Variants in NTNG1 observed in about 807,000 individuals in gnomAD.
The protein encoded by NTNG1 is netrin-G1.
In NTNG1, 16 loss-of-function variants were observed where a neutral mutation model predicts 54.0. The ratio of observed to expected loss-of-function variants is 0.30; its 90% CI spans 0.20 to 0.45. NTNG1 has a LOEUF of 0.45. NTNG1 is among the 20% of genes least tolerant of loss of function. The pLI is 1.00. For missense variants in NTNG1, 530 were observed against 678.7 expected (o/e 0.78, Z 2.43); for synonymous variants, 255 against 263.1 (o/e 0.97, Z 0.30).
chr1:107,296,058 A>G (rs1665926819), intron 2 of NTNG1, among the ~76,000 whole-genome samples: 1 of 152,078 alleles, frequency 6.6e-6, no homozygotes, highest in Non-Finnish European at 1.5e-5. Context: ...TAATGATGGT[A>G]TTACTCAGGT....
intron 3 of NTNG1, among the ~76,000 whole-genome samples, chr1:107,389,157 C>G (rs1451377586): frequency 1.3e-5 from 2 of 152,238 alleles, no homozygotes; most frequent in African/African-American, 4.8e-5. Context: ...TTGCTAGGGT[C>G]GTCCTCAGAG....
intron 3 of NTNG1, among the ~76,000 whole-genome samples, chr1:107,336,436 G>C (rs1351464656): frequency 1.3e-5 from 2 of 151,676 alleles, no homozygotes; most frequent in Non-Finnish European, 1.5e-5. Context: ...AAAAAAGGAA[G>C]TTGGACCCTT....
At chr1:107,437,056 G>A (rs1040738726) in intron 7 of NTNG1, among the ~76,000 whole-genome samples, 2 of 151,970 alleles carry the variant, frequency 1.3e-5, no homozygotes, top group South Asian at 2.1e-4. Flanking sequence ...CCATATACCC[G>A]TCCAGACCAT....
intron 3 of NTNG1, among the ~76,000 whole-genome samples, chr1:107,367,646 C>T (rs182561344): frequency 2.3e-4 from 35 of 152,202 alleles, no homozygotes; most frequent in Non-Finnish European, 4.6e-4. Context: ...ATGGCAAATA[C>T]GTGAGCCATC....
chr1:107,297,249 G>A (rs375319970), intron 2 of NTNG1, among the ~76,000 whole-genome samples: 5,552 of 18,446 alleles, frequency 0.3, 267 homozygotes, highest in African/African-American at 0.35. Flanking sequence ...ATATATATGC[G>A]CACACACACA....
intron 3 of NTNG1, among the ~76,000 whole-genome samples, chr1:107,371,079 A>T (rs1206039677): frequency 6.6e-6 from 1 of 152,112 alleles, no homozygotes; most frequent in Non-Finnish European, 1.5e-5. Flanking sequence ...TCTGTCTTTG[A>T]CCATTAAGTG....
intron 2 of NTNG1, among the ~76,000 whole-genome samples, chr1:107,278,007 T>G (rs1469079656): frequency 6.6e-6 from 1 of 152,168 alleles, no homozygotes; most frequent in Non-Finnish European, 1.5e-5. Context: ...TAGAAGGCAG[T>G]GCTATTAAAA....
At chr1:107,319,865 T>TTATATATATATATATATATATATA (rs1553225209) in intron 2 of NTNG1, among the ~76,000 whole-genome samples, 5 of 147,936 alleles carry the variant, frequency 3.4e-5, no homozygotes, top group East Asian at 4.0e-4. Context: ...TACCTGAGGT[T>TTATATATATATATATATATATATA]TATATATATA....
chr1:107,235,033 T>C lies in NTNG1; in HGVS notation c.246+86194T>C, dbSNP rs561470813. 2.0e-5 allele frequency among the ~76,000 whole-genome samples: 3 copies of C among 152,022 alleles called. No homozygotes were observed. In the East Asian group the frequency reaches 5.8e-4, roughly 29 times the overall value. On this transcript the variant is annotated intron_variant, in intron 2 of 7. Transcript: ENST00000370068. ...ACCCAATGTAATGCAATGTCTTATT[T>C]AATACAGGCTTCCTATAATTATTCC...
intron 5 of NTNG1, among the ~76,000 whole-genome samples, chr1:107,425,724 G>A (rs894822154): frequency 1.3e-5 from 2 of 152,054 alleles, no homozygotes; most frequent in African/African-American, 4.8e-5. Flanking sequence ...TCAAATGACA[G>A]TTCTATTTTT....
intron 3 of NTNG1, among the ~76,000 whole-genome samples, chr1:107,337,433 T>G (rs537012170): frequency 9.9e-5 from 15 of 152,002 alleles, no homozygotes; most frequent in African/African-American, 3.4e-4. Context: ...AAATAAAGTA[T>G]AATGGTGACT....
chr1:107,221,301 AG>A (rs1660326380), intron 2 of NTNG1, among the ~76,000 whole-genome samples: 2 of 152,152 alleles, frequency 1.3e-5, no homozygotes, highest in South Asian at 4.1e-4. Flanking sequence ...CTTGGGCTTC[AG>A]CCCACAAGGA....
intron 2 of NTNG1, among the ~76,000 whole-genome samples, chr1:107,292,561 G>T (rs143817126): frequency 3.9e-5 from 6 of 152,270 alleles, no homozygotes; most frequent in African/African-American, 1.4e-4. Context: ...AGCATCTGAA[G>T]CTGGTGATCA....
intron 2 of NTNG1, among the ~76,000 whole-genome samples, chr1:107,267,984 A>G (rs543766028): frequency 2.6e-5 from 4 of 152,316 alleles, no homozygotes; most frequent in Admixed American, 6.5e-5. Flanking sequence ...CCCCATTCCA[A>G]GACCAACCTT....
At chr1:107,365,068 T>C (rs888343229) in intron 3 of NTNG1, among the ~76,000 whole-genome samples, 1 of 152,240 alleles carries the variant, frequency 6.6e-6, no homozygotes, top group Non-Finnish European at 1.5e-5. Flanking sequence ...ATTTCACCTG[T>C]TACTTTTTTT....
chr1:107,182,283 T>A (rs1657129631), intron 2 of NTNG1, among the ~76,000 whole-genome samples: 2 of 152,076 alleles, frequency 1.3e-5, no homozygotes, highest in African/African-American at 4.8e-5. Context: ...CCAAATCTCA[T>A]TTTAGAGAGA....
chr1:107,327,578 T>C (rs1668036590), intron 3 of NTNG1, among the ~76,000 whole-genome samples: 1 of 152,272 alleles, frequency 6.6e-6, no homozygotes, highest in South Asian at 2.1e-4. Context: ...CTTTTCAAAA[T>C]ACAACTGAAG....
intron 2 of NTNG1, among the ~76,000 whole-genome samples, chr1:107,299,945 G>A (rs1223911253): frequency 2.0e-5 from 3 of 152,154 alleles, no homozygotes; most frequent in Non-Finnish European, 2.9e-5. Flanking sequence ...CATTTTAAAA[G>A]AGAGATTGTT....
At chr1:107,213,238 C>A (rs2101397330) in intron 2 of NTNG1, among the ~76,000 whole-genome samples, 1 of 152,118 alleles carries the variant, frequency 6.6e-6, no homozygotes, top group East Asian at 1.9e-4. Flanking sequence ...AAGCCCGTTA[C>A]ACTTGTTTCA....
Sources: gnomAD v4.1 joint callset for allele counts (sites outside exome capture counted in the v4.1 genomes callset) on GRCh38, gnomAD v4.1.1 for gene constraint, MANE v1.5 for transcripts, NCBI Gene and HGNC (gene_info 2026-07-23, HGNC 2026-07-21) for gene names.